Variants in ASTN1 observed in about 807,000 individuals in gnomAD.
ASTN1 encodes astrotactin-1.
ASTN1 carries 41 observed loss-of-function variants against 140.7 expected under a neutral mutation model. That is an observed-to-expected ratio of 0.29 (90% CI 0.23 to 0.38). The LOEUF (loss-of-function observed/expected upper bound fraction) is 0.38, where lower values mean the gene tolerates loss of function less well. Ranked by LOEUF, ASTN1 falls within the 10% of genes least tolerant of loss-of-function variation. The pLI is 1.00. For synonymous variants in ASTN1, 640 were observed against 652.2 expected (o/e 0.98, Z 0.29); for missense variants, 1,479 against 1,678.8 (o/e 0.88, Z 2.08).
At chr1:176,889,745 A>T (rs1259449513) in intron 17 of ASTN1, among the ~76,000 whole-genome samples, 1 of 152,198 alleles carries the variant, frequency 6.6e-6, no homozygotes, top group Non-Finnish European at 1.5e-5. Context: ...TAACACTTTG[A>T]TGAATGGTTA....
chr1:177,042,176 C>T (rs900602493), intron 2 of ASTN1, among the ~76,000 whole-genome samples: 7 of 152,194 alleles, frequency 4.6e-5, no homozygotes, highest in East Asian at 1.9e-4. Flanking sequence ...GCCTGAGAGT[C>T]GGGGTGGAGG....
intron 21 of ASTN1, 30 bp downstream of exon 21, chr1:176,876,507 A>C (rs1381409855): frequency 6.2e-7 from 1 of 1,612,234 alleles, no homozygotes; most frequent in South Asian, 1.1e-5. Context: ...GCATCCCTTC[A>C]GAAACACTGC....
At chr1:177,112,047 G>A (rs1040451407) in intron 1 of ASTN1, among the ~76,000 whole-genome samples, 3 of 152,128 alleles carry the variant, frequency 2.0e-5, no homozygotes, top group Non-Finnish European at 4.4e-5. Context: ...AAGTTCCAAG[G>A]AAGGTTTCAA....
chr1:177,104,796 A>T (rs1466985205), intron 1 of ASTN1, among the ~76,000 whole-genome samples: 3 of 152,180 alleles, frequency 2.0e-5, no homozygotes, highest in African/African-American at 7.2e-5. Flanking sequence ...TGGGGTCTAG[A>T]CCGTTCCTCC....
At chr1:176,945,715 A>T (rs1478900708) in intron 13 of ASTN1, among the ~76,000 whole-genome samples, 6 of 152,260 alleles carry the variant, frequency 3.9e-5, no homozygotes, top group Non-Finnish European at 7.3e-5. Flanking sequence ...CTCATTTAAC[A>T]CTTTACTGTT....
intron 1 of ASTN1, among the ~76,000 whole-genome samples, chr1:177,080,558 G>A (rs1679131248): frequency 6.6e-6 from 1 of 152,154 alleles, no homozygotes; most frequent in African/African-American, 2.4e-5. Flanking sequence ...ATGAAGAATT[G>A]GAAAATATGA....
Position 176,869,226 on chromosome 1 carries a change from A to G in ASTN1, c.3464-199T>C, listed in dbSNP as rs1571432942. On this transcript the variant is annotated intron_variant, in intron 21 of 22. Coordinates refer to ENST00000361833, the MANE Select transcript of ASTN1 (RefSeq NM_004319.3). ...TATGTGCGTATGTCAATGTGTATGT[A>G]TATACATATATGCATGTTTACTTAT... Among the ~76,000 whole-genome samples the G allele has an allele frequency of 2.0e-5, 3 of 152,160 alleles. No homozygotes were observed. In the South Asian group the frequency reaches 6.2e-4, roughly 31 times the overall value.
chr1:177,111,770 T>C (rs1022832002), intron 1 of ASTN1, among the ~76,000 whole-genome samples: 2 of 152,130 alleles, frequency 1.3e-5, no homozygotes, highest in Non-Finnish European at 2.9e-5. Flanking sequence ...CTGCTGGGCA[T>C]GGGAAGGACT....
intron 16 of ASTN1, among the ~76,000 whole-genome samples, chr1:176,914,962 G>A (rs147775053): frequency 9.7e-4 from 148 of 152,210 alleles, no homozygotes; most frequent in African/African-American, 3.4e-3. Context: ...GTCTTTTAGG[G>A]TCCTTTAGTA....
intron 2 of ASTN1, among the ~76,000 whole-genome samples, chr1:177,034,009 C>G (rs1211222644): frequency 6.6e-6 from 1 of 152,064 alleles, no homozygotes; most frequent in Non-Finnish European, 1.5e-5. Context: ...CCAAATGGTT[C>G]TTCTCTCAAC....
Position 177,032,836 on chromosome 1 carries a change from G to C in ASTN1, c.485C>G (p.Ala162Gly). ...LHISVMGGMI[A>G]LLLSILCLVM... ...CAGGCACAAGATGGACAGCAGCAGA[G>C]CGATCATGCCACCCTAGGAAGAGAG... The change falls in exon 3 of 23, where the codon GCT becomes GGT. Residue 162 changes from alanine to glycine, a missense_variant. By Grantham distance (60) the Ala-to-Gly change is moderately conservative. Around this residue, in one of 3 missense-constraint regions of ASTN1, gnomAD observed 729 missense variants for 860.4 expected, o/e 0.85. Transcript: ENST00000361833. 1 of 1,603,328 alleles carries C rather than the reference G, an allele frequency of 6.2e-7. No homozygotes were observed. Among genetic ancestry groups the C allele is most frequent in the Non-Finnish European group, 8.5e-7 (1 of 1,174,826 alleles).
chr1:176,948,700 G>C (rs1170642668), intron 12 of ASTN1, among the ~76,000 whole-genome samples: 1 of 152,208 alleles, frequency 6.6e-6, no homozygotes, highest in East Asian at 1.9e-4. Context: ...CTCAGGAGGA[G>C]TGGCTGCACA....
At chr1:176,871,645 G>T (rs900345756) in intron 21 of ASTN1, among the ~76,000 whole-genome samples, 2 of 152,152 alleles carry the variant, frequency 1.3e-5, no homozygotes, top group East Asian at 3.9e-4. Context: ...TAAGTCAGAC[G>T]CTGTCTTCAG....
chr1:176,887,975 T>C, intron 18 of ASTN1, 96 bp downstream of exon 18: 1 of 1,526,080 alleles, frequency 6.6e-7, no homozygotes, highest in South Asian at 1.2e-5. Context: ...GTCATATTTT[T>C]CTTTGTTTCC....
At chr1:176,977,153 G>T (rs987182457) in intron 8 of ASTN1, among the ~76,000 whole-genome samples, 17 of 152,252 alleles carry the variant, frequency 1.1e-4, no homozygotes, top group African/African-American at 4.1e-4. Context: ...TAAGGAAACC[G>T]GGGAAGAATA....
intron 1 of ASTN1, among the ~76,000 whole-genome samples, chr1:177,111,198 T>A (rs1171645235): frequency 6.6e-6 from 1 of 152,226 alleles, no homozygotes; most frequent in Non-Finnish European, 1.5e-5. Context: ...CATCCTGGTG[T>A]TTCGATTTTA....
At chr1:176,897,096 G>A (rs1401820333) in intron 16 of ASTN1, among the ~76,000 whole-genome samples, 1 of 152,024 alleles carries the variant, frequency 6.6e-6, no homozygotes, top group Admixed American at 6.6e-5. Flanking sequence ...CCAACATGGT[G>A]AAACCCCGTC....
chr1:177,098,429 C>A (rs557233741), intron 1 of ASTN1, among the ~76,000 whole-genome samples: 2 of 152,278 alleles, frequency 1.3e-5, no homozygotes, highest in African/African-American at 4.8e-5. Flanking sequence ...TGACACTTAG[C>A]AAAGCTGACA....
At chr1:177,083,772 T>G (rs1398460898) in intron 1 of ASTN1, among the ~76,000 whole-genome samples, 1 of 152,146 alleles carries the variant, frequency 6.6e-6, no homozygotes, top group Non-Finnish European at 1.5e-5. Flanking sequence ...GGTAACCACC[T>G]GGGGTCAGGA....
Sources: allele counts gnomAD v4.1 joint callset (sites outside exome capture counted in the v4.1 genomes callset), GRCh38; gene constraint gnomAD v4.1.1; regional missense constraint gnomAD v4.1.1; transcripts MANE v1.5; gene names NCBI Gene and HGNC (gene_info 2026-07-23, HGNC 2026-07-21).